The following CD2 variants were observed in gnomAD, a reference collection of about 807,000 sequenced individuals.
CD2 encodes the protein CD2 molecule, also known as T-cell surface antigen CD2.
In CD2, 18 loss-of-function variants were observed where a neutral mutation model predicts 23.2. The ratio of observed to expected loss-of-function variants is 0.77; its 90% CI spans 0.54 to 1.15. CD2 has a LOEUF of 1.15. Among genes scored for constraint, CD2 ranks in the 50% most tolerant of loss-of-function variants. The pLI is 0.00. For synonymous variants in CD2, 162 were observed against 151.9 expected, an observed-to-expected ratio of 1.07 and a Z score of -0.49; for missense variants, 424 against 423.1, an observed-to-expected ratio of 1.00 and a Z score of -0.02.
intron 2 of CD2, 66 bp downstream of exon 2, chr1:116,755,017 C>T (rs1179449742): frequency 8.9e-7 from 1 of 1,118,790 alleles, no homozygotes; most frequent in East Asian, 2.4e-5. Flanking sequence ...TGGAAAATAG[C>T]ATTTCTAATA....
Position 116,764,660 on chromosome 1 carries a change from C to G in CD2, c.736+54C>G, listed in dbSNP as rs572116803. 60 of 1,320,808 alleles carry G rather than the reference C, an allele frequency of 4.5e-5. 1 individual carries two copies. The Middle Eastern group carries it at 1.4e-3, about 30-fold the overall frequency. 81.8% of individuals were successfully genotyped at this position (1,320,808 alleles called of 1,614,324 possible). A position where few individuals can be genotyped will look rare whatever the true frequency, so the allele number is the denominator to read the frequency against. ...AGGCCCCAGCAAAATCCCCATGAAA[C>G]AGCTCATGGGGATGACACCTTGAAT... On this transcript the variant is annotated intron_variant, in intron 4 of 4. Transcript: ENST00000369478.
At chr1:116,766,330 T>A (rs1481767504) in intron 4 of CD2, among the ~76,000 whole-genome samples, 1 of 152,218 alleles carries the variant, frequency 6.6e-6, no homozygotes, top group African/African-American at 2.4e-5. Context: ...TGTCCAACCC[T>A]GCCTGCAGTC....
At chr1:116,766,685 G>A (rs2101171628) in intron 4 of CD2, among the ~76,000 whole-genome samples, 1 of 151,588 alleles carries the variant, frequency 6.6e-6, no homozygotes, top group Non-Finnish European at 1.5e-5. Flanking sequence ...GTGAGACCTG[G>A]TCTCTACTTT....
At chr1:116,759,821 C>A (rs192153942) in intron 2 of CD2, among the ~76,000 whole-genome samples, 72 of 152,300 alleles carry the variant, frequency 4.7e-4, no homozygotes, top group African/African-American at 1.7e-3. Flanking sequence ...GCTCCTTGGA[C>A]ACCCACACAC....
intron 4 of CD2, chr1:116,764,821 A>G (rs759030827): frequency 3.5e-4 from 196 of 557,210 alleles, no homozygotes; most frequent in Non-Finnish European, 5.7e-4. Flanking sequence ...GAGCTTTGAG[A>G]CACTGAATCC....
rs765936840 is a variant in CD2, at chr1:116,764,555, C to T, written c.685C>T (p.Leu229=). 1.2e-6 allele frequency: 2 copies of T among 1,614,078 alleles called. No individual in the cohort carries two copies. Among genetic ancestry groups the T allele is most frequent in the East Asian group, 2.2e-5 (1 of 44,884 alleles). Residue 229 remains leucine (L), a synonymous_variant, in exon 4 of 5, where the codon CTG becomes TTG. Coordinates refer to ENST00000369478, the MANE Select transcript of CD2 (RefSeq NM_001767.5). ...CAGCCTCTTGATGGTCTTTGTGGCA[C>T]TGCTCGTTTTCTATATCACCAAAAG... The part of the protein sequence containing the change: ...GGSLLMVFVA[L]LVFYITKRKK...
chr1:116,758,937 G>A (rs1356209138), intron 2 of CD2, among the ~76,000 whole-genome samples: 1 of 152,172 alleles, frequency 6.6e-6, no homozygotes, highest in Non-Finnish European at 1.5e-5. Context: ...TTTTTGGCAA[G>A]GATGATGACC....
intron 4 of CD2, 71 bp downstream of exon 4, chr1:116,764,677 A>C: frequency 9.0e-6 from 10 of 1,106,984 alleles, no homozygotes; most frequent in Non-Finnish European, 1.2e-5. Flanking sequence ...TGGGGATGAC[A>C]CCTTGAATCT....
intron 2 of CD2, among the ~76,000 whole-genome samples, chr1:116,755,814 T>C (rs1211753085): frequency 6.6e-6 from 1 of 151,486 alleles, no homozygotes; most frequent in Admixed American, 6.6e-5. Flanking sequence ...GGAGAGAAGG[T>C]AGAGAAAGTG....
chr1:116,765,893 C>T (rs564209553), intron 4 of CD2, among the ~76,000 whole-genome samples: 1 of 152,262 alleles, frequency 6.6e-6, no homozygotes. Context: ...TGTTTTATGT[C>T]TATTAGTGCA....
At position 116,767,153 on chromosome 1, in the gene CD2, T is replaced by A. The variant is rs535462767; in HGVS notation, c.737-1311T>A. On this transcript the variant is annotated intron_variant, in intron 4 of 4. Coordinates refer to ENST00000369478, the MANE Select transcript of CD2 (RefSeq NM_001767.5). ...GGTATCAAAATCACATTGTCTAACTTTGACTCTACACTCAAAGCCATCTGA... is the reference window on the plus strand; with the variant it reads ...GGTATCAAAATCACATTGTCTAACTATGACTCTACACTCAAAGCCATCTGA... 1.2e-3 allele frequency among the ~76,000 whole-genome samples: 185 copies of A among 152,304 alleles called. 3 individuals are homozygous for A. Among genetic ancestry groups the A allele is most frequent in the Non-Finnish European group, 5.7e-4 (39 of 68,010 alleles).
Position 116,768,392 on chromosome 1 carries a change from A to G in CD2, c.737-72A>G, listed in dbSNP as rs10489634. Reference sequence around the variant, plus strand: ...AAGCAGCTAGCATGGCGCCTTGCATATAAAAGGTACTCAATATTTACATTG... The same window carrying G: ...AAGCAGCTAGCATGGCGCCTTGCATGTAAAAGGTACTCAATATTTACATTG... On this transcript the variant is annotated intron_variant, in intron 4 of 4. Transcript: ENST00000369478. The G allele has an allele frequency of 7.8e-3, 11,253 of 1,435,432 alleles. 63 individuals are homozygous for G. Among genetic ancestry groups the G allele is most frequent in the Non-Finnish European group, 9.9e-3 (10,456 of 1,053,526 alleles). The allele number at this position is 1,435,432 out of a possible 1,614,324, so 88.9% of individuals were successfully genotyped here.
At chr1:116,760,110 G>A (rs1571240052) in intron 2 of CD2, among the ~76,000 whole-genome samples, 1 of 152,230 alleles carries the variant, frequency 6.6e-6, no homozygotes, top group East Asian at 1.9e-4. Flanking sequence ...TGTCTGTTAG[G>A]GTTAAGTGAT....
chr1:116,768,259 C>T (rs1196636974), intron 4 of CD2, among the ~76,000 whole-genome samples: 1 of 152,192 alleles, frequency 6.6e-6, no homozygotes, highest in Non-Finnish European at 1.5e-5. Flanking sequence ...CTTGAGTTCT[C>T]TTGTCCTAGG....
intron 2 of CD2, among the ~76,000 whole-genome samples, chr1:116,755,568 G>A (rs1651815648): frequency 6.6e-6 from 1 of 152,186 alleles, no homozygotes; most frequent in South Asian, 2.1e-4. Flanking sequence ...TGGATATTGA[G>A]GATGGGGTTA....
rs1025774383 is a variant in CD2, at chr1:116,764,372, G to A, written c.614-112G>A. On this transcript the variant is annotated intron_variant, in intron 3 of 4. Transcript: ENST00000369478. ...TGAGCCTGGGAGTTATGGGGTGAAAGGTCCCAACAAGCTCTTCTATCTGCT... is the reference window on the plus strand; with the variant it reads ...TGAGCCTGGGAGTTATGGGGTGAAAAGTCCCAACAAGCTCTTCTATCTGCT... 4.7e-6 allele frequency: 7 copies of A among 1,479,068 alleles called. No homozygotes were observed. The East Asian group carries it at 1.2e-4, about 24-fold the overall frequency. 91.6% of individuals were successfully genotyped at this position (1,479,068 alleles called of 1,614,324 possible).
At chr1:116,763,712 A>C (rs1003893841) in intron 3 of CD2, among the ~76,000 whole-genome samples, 9 of 152,202 alleles carry the variant, frequency 5.9e-5, no homozygotes, top group African/African-American at 1.9e-4. Flanking sequence ...GTAACTCTCC[A>C]AAGTTCACAC....
chr1:116,760,564 C>A lies in CD2; in HGVS notation c.545C>A (p.Ala182Glu). 1.2e-6 allele frequency: 2 copies of A among 1,614,112 alleles called. No homozygotes were observed. The highest frequency in any genetic ancestry group is 1.7e-6 in the Non-Finnish European group (2 of 1,179,978). Residue 182 changes from alanine to glutamate, a missense_variant, in exon 3 of 5, where the codon GCA (alanine) becomes GAA (glutamate). Physicochemically the swap from Ala to Glu is moderately radical, Grantham distance 107 (BLOSUM62 -1). Transcript: ENST00000369478. ...CACAAGTGGACCACCAGCCTGAGTG[C>A]AAAATTCAAGTGCACAGCAGGGAAC... ...ITHKWTTSLS[A>E]KFKCTAGNKV... is the part of the protein sequence containing the mutation.
In CD2 at chr1:116,760,625, C is replaced by T; in HGVS notation, c.606C>T (p.Ser202=). 6.2e-7 allele frequency: 1 copy of T among 1,613,818 alleles called. No individual in the cohort carries two copies. Among genetic ancestry groups the T allele is most frequent in the South Asian group, 1.1e-5 (1 of 91,068 alleles). ...VSKESSVEPV[S]CPEKGLDIYL... Reference sequence around the variant, plus strand: ...AGGAATCCAGTGTCGAGCCTGTCAGCTGTCCAGGTGCGTGGCGGGCATCAC... The same window carrying T: ...AGGAATCCAGTGTCGAGCCTGTCAGTTGTCCAGGTGCGTGGCGGGCATCAC... The change falls in exon 3 of 5, where the codon AGC becomes AGT. Residue 202 remains serine (S), a synonymous_variant. Coordinates refer to ENST00000369478, the MANE Select transcript of CD2 (RefSeq NM_001767.5).
Sources: gnomAD v4.1 joint callset for allele counts (sites outside exome capture counted in the v4.1 genomes callset) on GRCh38, gnomAD v4.1.1 for gene constraint, MANE v1.5 for transcripts, NCBI Gene and HGNC (gene_info 2026-07-23, HGNC 2026-07-21) for gene names.